The following CCDC138 variants were observed in gnomAD, a reference collection of about 807,000 sequenced individuals.
CCDC138 encodes the protein coiled-coil domain containing 138.
CCDC138 carries 66 observed loss-of-function variants against 82.3 expected under a neutral mutation model. That is an observed-to-expected ratio of 0.80 (90% CI 0.66 to 0.98). The LOEUF (loss-of-function observed/expected upper bound fraction) is 0.98, where lower values mean the gene tolerates loss of function less well. CCDC138 is among the 50% of genes least tolerant of loss of function. The pLI, the probability that CCDC138 is intolerant of heterozygous loss-of-function variation, is 0.00. For synonymous variants in CCDC138, 297 were observed against 265.4 expected (o/e 1.12, Z -1.16); for missense variants, 816 against 758.9 (o/e 1.08, Z -0.88).
intron 10 of CCDC138, among the ~76,000 whole-genome samples, chr2:108,829,449 G>A (rs1426409254): frequency 1.3e-5 from 2 of 151,980 alleles, no homozygotes; most frequent in Non-Finnish European, 2.9e-5. Context: ...ACACCTATTA[G>A]AATGTTTATT....
At chr2:108,822,188 C>T (rs768459641) in intron 10 of CCDC138, among the ~76,000 whole-genome samples, 22 of 151,960 alleles carry the variant, frequency 1.4e-4, no homozygotes, top group African/African-American at 4.1e-4. Context: ...ATATACTTTA[C>T]GTCAAAAACT....
Position 108,788,766 on chromosome 2 carries a change from TAGTATTATTTAGACTTATGGCC to T in CCDC138, c.152-82_152-61del. 2.7e-6 allele frequency: 4 copies of T among 1,496,062 alleles called. No homozygotes were observed. In the South Asian group the frequency reaches 5.3e-5, roughly 20 times the overall value. 92.7% of individuals were successfully genotyped at this position (1,496,062 alleles called of 1,614,324 possible). A position where few individuals can be genotyped will look rare whatever the true frequency, so the allele number is the denominator to read the frequency against. ...AATTTGAGAGAGAAGATTTTAAAAA[TAGTATTATTTAGACTTATGGCC>T]AGTGCCAGATATTTTGTGATATATT... On this transcript the variant is annotated intron_variant, in intron 2 of 14. Coordinates refer to ENST00000295124, the MANE Select transcript of CCDC138 (RefSeq NM_144978.3).
rs1692699677 is a variant in CCDC138 at position 108,856,928 on chromosome 2, T to C, written c.1651T>C (p.Ser551Pro). 6.2e-7 allele frequency: 1 copy of C among 1,612,168 alleles called. No homozygotes were observed. The highest frequency in any genetic ancestry group is 2.2e-5 in the East Asian group (1 of 44,784). Residue 551 changes from serine to proline, a missense_variant, in exon 13 of 15, where the codon TCT (serine) becomes CCT (proline). By Grantham distance (74) the Ser-to-Pro change is moderately conservative. Coordinates refer to ENST00000295124, the MANE Select transcript of CCDC138 (RefSeq NM_144978.3). Reference protein sequence around the residue: ...HLRISSKGLLSNVIDSLLQMT... With the variant: ...HLRISSKGLLPNVIDSLLQMT... Reference sequence around the variant, plus strand: ...AAGAATATCCAGTAAAGGACTCCTGTCTAATGTTATTGATAGTTTGCTCCA... The same window carrying C: ...AAGAATATCCAGTAAAGGACTCCTGCCTAATGTTATTGATAGTTTGCTCCA...
chr2:108,805,764 CAG>C (rs1398866936), intron 7 of CCDC138, among the ~76,000 whole-genome samples: 1 of 151,956 alleles, frequency 6.6e-6, no homozygotes, highest in Non-Finnish European at 1.5e-5. Flanking sequence ...TATATAATAC[CAG>C]AGTTGCATAA....
At chr2:108,853,873 T>TGCAATATATA (rs1691977858) in intron 12 of CCDC138, among the ~76,000 whole-genome samples, 1 of 125,464 alleles carries the variant, frequency 8.0e-6, no homozygotes, top group East Asian at 2.0e-4. Flanking sequence ...ATATATATAC[T>TGCAATATATA]ATATAATATA....
chr2:108,870,355 A>T (rs954681672), intron 13 of CCDC138, among the ~76,000 whole-genome samples: 9 of 152,218 alleles, frequency 5.9e-5, no homozygotes, highest in Non-Finnish European at 1.3e-4. Flanking sequence ...CAGAGTCTGA[A>T]GGACTTACGC....
chr2:108,841,417 C>T (rs1273178145), intron 11 of CCDC138, among the ~76,000 whole-genome samples: 1 of 151,504 alleles, frequency 6.6e-6, no homozygotes, highest in Non-Finnish European at 1.5e-5. Context: ...TCTGTTTTGC[C>T]TCACATATTT....
chr2:108,788,347 G>C (rs947887680), intron 2 of CCDC138, among the ~76,000 whole-genome samples: 2 of 151,870 alleles, frequency 1.3e-5, no homozygotes, highest in African/African-American at 4.8e-5. Flanking sequence ...TTGAACCCGG[G>C]AGGCAGAGGT....
intron 10 of CCDC138, among the ~76,000 whole-genome samples, chr2:108,838,701 T>C (rs548496375): frequency 6.6e-6 from 1 of 152,242 alleles, no homozygotes; most frequent in Admixed American, 6.5e-5. Context: ...AACAAGTAAA[T>C]AGTACTCCAG....
In CCDC138 at chr2:108,812,890, T is replaced by C. The variant is rs774332650; in HGVS notation, c.1004T>C (p.Leu335Ser). 2 of 1,613,482 alleles carry C rather than the reference T, an allele frequency of 1.2e-6. No individual in the cohort carries two copies. Among genetic ancestry groups the C allele is most frequent in the Non-Finnish European group, 1.7e-6 (2 of 1,179,690 alleles). ...SSHAVHEMKS[L>S]KQEKAPVSKT... is the part of the protein sequence containing the mutation. ...CATGCTGTTCATGAAATGAAAAGTT[T>C]AAAACAAGAAAAAGCACCAGTTTCA... The change falls in exon 9 of 15, where the codon TTA becomes TCA. Residue 335 changes from leucine (L) to serine (S), a missense_variant. Coordinates refer to ENST00000295124, the MANE Select transcript of CCDC138 (RefSeq NM_144978.3).
rs1315725656 is a variant in CCDC138, at chr2:108,876,541, T to C, written c.*288T>C. 2.9e-5 allele frequency: 6 copies of C among 204,488 alleles called. No homozygotes were observed. Among genetic ancestry groups the C allele is most frequent in the Non-Finnish European group, 4.8e-5 (5 of 103,236 alleles). 12.7% of individuals were successfully genotyped at this position (204,488 alleles called of 1,614,324 possible). On this transcript the variant is annotated 3_prime_UTR_variant, in exon 15 of 15. Coordinates refer to ENST00000295124, the MANE Select transcript of CCDC138 (RefSeq NM_144978.3). ...TTAGGAAAATTATTTCTTAAAATTATGTGATTATTTGGAATAAAATTGGTG... is the reference window on the plus strand; with the variant it reads ...TTAGGAAAATTATTTCTTAAAATTACGTGATTATTTGGAATAAAATTGGTG...
intron 6 of CCDC138, 24 bp downstream of exon 6, chr2:108,798,610 A>G (rs182395120): frequency 5.4e-5 from 83 of 1,524,642 alleles, no homozygotes; most frequent in African/African-American, 7.0e-5. Context: ...CTTTGATTTT[A>G]GAGTGGTATA....
chr2:108,842,436 C>T lies in CCDC138; in HGVS notation c.1323+3135C>T, dbSNP rs533191106. 4.0e-5 allele frequency among the ~76,000 whole-genome samples: 6 copies of T among 151,712 alleles called. No homozygotes were observed. The East Asian group carries it at 5.8e-4, about 15-fold the overall frequency. The stretch of plus-strand genomic sequence containing the variant: ...AGGAAGCACAGGCAGGGAGAGAGAG[C>T]GAGAGAGAGAGAAAGGGACCTGTGG... On this transcript the variant is annotated intron_variant, in intron 11 of 14. Transcript: ENST00000295124.
intron 11 of CCDC138, among the ~76,000 whole-genome samples, chr2:108,843,892 T>C (rs1199664587): frequency 1.1e-4 from 15 of 137,142 alleles, no homozygotes; most frequent in South Asian, 2.3e-4. Context: ...CTTTCTTTTT[T>C]TTTTTTTTTT....
At chr2:108,870,925 C>T (rs928152997) in intron 13 of CCDC138, among the ~76,000 whole-genome samples, 14 of 152,188 alleles carry the variant, frequency 9.2e-5, no homozygotes, top group African/African-American at 2.9e-4. Context: ...CTTAATACCA[C>T]AGAACTGAAA....
At chr2:108,869,848 G>GT (rs1301346500) in intron 13 of CCDC138, among the ~76,000 whole-genome samples, 4 of 152,062 alleles carry the variant, frequency 2.6e-5, no homozygotes, top group South Asian at 4.1e-4. Flanking sequence ...GGGAGGGGTG[G>GT]TTTTTTCAAA....
rs755256345 is a variant in CCDC138 at position 108,876,159 on chromosome 2, C to T, written c.1904C>T (p.Pro635Leu). Residue 635 changes from proline to leucine, a missense_variant, in exon 15 of 15, where the codon CCA becomes CTA. Pro to Leu is a moderately conservative substitution (Grantham distance 98). Transcript: ENST00000295124. The part of the protein sequence containing the change: ...MLQEIQRTTN[P>L]EHAFLCINLN... ...CAAGAAATACAAAGGACAACAAACC[C>T]AGAGCATGCATTTCTCTGTATTAAT... 9 of 1,612,272 alleles carry T rather than the reference C, an allele frequency of 5.6e-6. No homozygotes were observed. The highest frequency in any genetic ancestry group is 5.1e-6 in the Non-Finnish European group (6 of 1,178,636).
In CCDC138 at chr2:108,837,694, T is replaced by C. The variant is rs140790170; in HGVS notation, c.1207-1491T>C. On this transcript the variant is annotated intron_variant, in intron 10 of 14. Transcript: ENST00000295124. ...CACAGCTATGTAGAGTACATAATACTTGATCATAAACAACCATGTTACTGG... is the reference window on the plus strand; with the variant it reads ...CACAGCTATGTAGAGTACATAATACCTGATCATAAACAACCATGTTACTGG... Among the ~76,000 whole-genome samples the C allele has an allele frequency of 8.3e-4, 126 of 152,318 alleles. 2 individuals carry two copies. Among genetic ancestry groups the C allele is most frequent in the Middle Eastern group, 3.4e-3 (1 of 294 alleles).
At chr2:108,867,288 C>A (rs1166981136) in intron 13 of CCDC138, among the ~76,000 whole-genome samples, 1 of 152,086 alleles carries the variant, frequency 6.6e-6, no homozygotes, top group Non-Finnish European at 1.5e-5. Context: ...AGCTAGAACT[C>A]CAGAACTGAG....
Sources: gnomAD v4.1 joint callset for allele counts (sites outside exome capture counted in the v4.1 genomes callset) on GRCh38, gnomAD v4.1.1 for gene constraint, MANE v1.5 for transcripts, NCBI Gene and HGNC (gene_info 2026-07-23, HGNC 2026-07-21) for gene names.